TRPM3: variants seen among roughly 807,000 people sequenced by gnomAD.
The protein encoded by TRPM3 is long transient receptor potential channel 3.
A neutral mutation model predicts 181.2 loss-of-function variants in TRPM3; 77 were observed. That is an observed-to-expected ratio of 0.42 (90% CI 0.35 to 0.51). The LOEUF is 0.51. Ranked by LOEUF, TRPM3 falls within the 20% of genes least tolerant of loss-of-function variation. TRPM3 has a pLI of 0.01. For synonymous variants in TRPM3, 745 were observed against 796.4 expected (o/e 0.94, Z 1.09); for missense variants, 1,759 against 2,196.7 (o/e 0.80, Z 3.98).
intron 1 of TRPM3, among the ~76,000 whole-genome samples, chr9:70,956,949 A>G (rs1043365067): frequency 1.0e-4 from 14 of 138,542 alleles, no homozygotes; most frequent in African/African-American, 3.8e-4. Flanking sequence ...TTTTAGTTAC[A>G]TTTCTTTCTT....
intron 1 of TRPM3, among the ~76,000 whole-genome samples, chr9:70,906,852 G>A (rs2096473111): frequency 6.6e-6 from 1 of 152,096 alleles, no homozygotes; most frequent in Non-Finnish European, 1.5e-5. Flanking sequence ...GCAGTGAGCT[G>A]AGATTGCTCC....
At chr9:71,017,600 T>C (rs1461159826) in intron 1 of TRPM3, among the ~76,000 whole-genome samples, 1 of 151,748 alleles carries the variant, frequency 6.6e-6, no homozygotes, top group East Asian at 1.9e-4. Context: ...GCAAGAAACA[T>C]TGTTACAAAT....
intron 1 of TRPM3, among the ~76,000 whole-genome samples, chr9:70,888,364 T>TGG (rs869233603): frequency 1.1e-5 from 1 of 88,476 alleles, no homozygotes; most frequent in Non-Finnish European, 2.4e-5. Context: ...TATTTTGGGG[T>TGG]GTGTGTGTGT....
intron 7 of TRPM3, among the ~76,000 whole-genome samples, chr9:70,778,014 A>C (rs993332852): frequency 2.7e-5 from 4 of 147,138 alleles, no homozygotes; most frequent in Admixed American, 2.1e-4. Flanking sequence ...CACACACACA[A>C]AACACTGCCA....
At chr9:71,243,496 G>A (rs2081845029) in intron 1 of TRPM3, among the ~76,000 whole-genome samples, 1 of 152,184 alleles carries the variant, frequency 6.6e-6, no homozygotes, top group Non-Finnish European at 1.5e-5. Context: ...GGTATTACTT[G>A]CAACTTTTCC....
intron 7 of TRPM3, among the ~76,000 whole-genome samples, chr9:70,781,943 A>T (rs994873663): frequency 4.6e-5 from 7 of 152,030 alleles, no homozygotes; most frequent in African/African-American, 1.7e-4. Flanking sequence ...CACCTGAGAA[A>T]CCTGAAATGC....
intron 22 of TRPM3, among the ~76,000 whole-genome samples, chr9:70,582,418 G>C (rs1001627843): frequency 6.6e-5 from 10 of 152,260 alleles, no homozygotes; most frequent in Admixed American, 4.6e-4. Flanking sequence ...GCTTCAAGGA[G>C]TTTAATTCAT....
At chr9:71,352,885 C>G (rs1459385411) in intron 1 of TRPM3, among the ~76,000 whole-genome samples, 2 of 152,290 alleles carry the variant, frequency 1.3e-5, no homozygotes, top group East Asian at 1.9e-4. Flanking sequence ...CCGCTTCCAA[C>G]ACGATTCGAA....
At chr9:70,621,660 C>A (rs144887236) in intron 14 of TRPM3, among the ~76,000 whole-genome samples, 1,742 of 152,252 alleles carry the variant, frequency 0.011, 30 homozygotes, top group African/African-American at 0.039. Context: ...GCCACCACAC[C>A]CAGCCTCCAA....
upstream of TRPM3, chr9:71,121,678 A>T (rs926549386): frequency 1.2e-5 from 13 of 1,093,170 alleles, no homozygotes; most frequent in South Asian, 3.8e-5. Flanking sequence ...TTGGGGGGGA[A>T]CCGGGGCCAT....
intron 6 of TRPM3, among the ~76,000 whole-genome samples, chr9:70,790,952 G>A (rs1449105242): frequency 6.6e-6 from 1 of 152,116 alleles, no homozygotes; most frequent in African/African-American, 2.4e-5. Flanking sequence ...GAGCTATTGA[G>A]GAGCAGAGTG....
chr9:71,138,902 A>T (rs1333746299), intron 1 of TRPM3, among the ~76,000 whole-genome samples: 1 of 152,152 alleles, frequency 6.6e-6, no homozygotes, highest in Non-Finnish European at 1.5e-5. Flanking sequence ...TACAAACATG[A>T]ACACTACTGC....
intron 1 of TRPM3, among the ~76,000 whole-genome samples, chr9:71,423,578 A>G (rs1302623291): frequency 6.6e-6 from 1 of 152,124 alleles, no homozygotes; most frequent in Non-Finnish European, 1.5e-5. Flanking sequence ...CTTATTACTG[A>G]AACTTGTGGA....
At chr9:71,244,217 G>C (rs2081898994) in intron 1 of TRPM3, among the ~76,000 whole-genome samples, 1 of 152,148 alleles carries the variant, frequency 6.6e-6, no homozygotes, top group East Asian at 1.9e-4. Context: ...GTAGCAGCAT[G>C]AACTCCTCAT....
chr9:71,236,902 C>G (rs2081379108), intron 1 of TRPM3, among the ~76,000 whole-genome samples: 1 of 151,946 alleles, frequency 6.6e-6, no homozygotes, highest in South Asian at 2.1e-4. Flanking sequence ...CAAAAATTAG[C>G]CAGTCGTGAT....
At chr9:70,693,417 A>G (rs1224039402) in intron 8 of TRPM3, among the ~76,000 whole-genome samples, 1 of 152,204 alleles carries the variant, frequency 6.6e-6, no homozygotes, top group African/African-American at 2.4e-5. Context: ...AACCAGAGAC[A>G]GTTCTTCCAG....
intron 1 of TRPM3, among the ~76,000 whole-genome samples, chr9:70,889,418 C>T (rs915656774): frequency 6.6e-6 from 1 of 152,142 alleles, no homozygotes; most frequent in East Asian, 1.9e-4. Context: ...AGGTCCCCGC[C>T]AACCCCACCT....
intron 1 of TRPM3, among the ~76,000 whole-genome samples, chr9:71,103,433 A>T (rs2068788904): frequency 6.6e-6 from 1 of 152,154 alleles, no homozygotes; most frequent in African/African-American, 2.4e-5. Context: ...AAACTCTACC[A>T]AGTAAGGTCT....
At chr9:71,405,630 C>T (rs1000160388) in intron 1 of TRPM3, among the ~76,000 whole-genome samples, 1 of 152,072 alleles carries the variant, frequency 6.6e-6, no homozygotes, top group African/African-American at 2.4e-5. Flanking sequence ...ACTCTGTTTG[C>T]TTTTTACATA....
Sources: gnomAD v4.1 joint callset for allele counts (sites outside exome capture counted in the v4.1 genomes callset) on GRCh38, gnomAD v4.1.1 for gene constraint, MANE v1.5 for transcripts, NCBI Gene and HGNC (gene_info 2026-07-23, HGNC 2026-07-21) for gene names.